Variants in PPP2R5C observed in about 807,000 individuals in gnomAD.
PPP2R5C encodes serine/threonine-protein phosphatase 2A 56 kDa regulatory subunit gamma isoform.
PPP2R5C carries 7 observed loss-of-function variants against 68.9 expected under a neutral mutation model. That is an observed-to-expected ratio of 0.10 (90% CI 0.06 to 0.19). The LOEUF is 0.19. Among genes scored for constraint, PPP2R5C ranks in the 10% least tolerant of loss-of-function variants. The pLI, the probability that PPP2R5C is intolerant of heterozygous loss-of-function variation, is 1.00. For synonymous variants in PPP2R5C, 210 were observed against 222.2 expected (o/e 0.95, Z 0.49); for missense variants, 348 against 641.3 (o/e 0.54, Z 4.94).
intron 1 of PPP2R5C, among the ~76,000 whole-genome samples, chr14:101,847,883 A>G (rs944861026): frequency 6.6e-6 from 1 of 151,928 alleles, no homozygotes; most frequent in African/African-American, 2.4e-5. Flanking sequence ...GGATGGTCTC[A>G]ATCTCTTGAC....
chr14:101,801,094 T>C (rs1231898217), intron 3 of PPP2R5C, among the ~76,000 whole-genome samples: 1 of 152,022 alleles, frequency 6.6e-6, no homozygotes, highest in African/African-American at 2.4e-5. Context: ...GAGAGGGTGG[T>C]TAAGGGCTGC....
rs1190905493 is a variant in PPP2R5C at position 101,906,467 on chromosome 14, A to G, written c.1089A>G (p.Ala363=). ...TCATGAGTTTAATCAGTGACAACGC[A>G]GCGAAGATTCTGCCCATCATGTTTC... The change falls in exon 10 of 14, where the codon GCA becomes GCG. Residue 363 remains alanine, a synonymous_variant. Coordinates refer to ENST00000334743, the Ensembl canonical transcript of PPP2R5C. This position sits in a 1 kb window ranked among gnomAD's most constrained non-coding sequence, Gnocchi z 4.0. 23 of 1,613,620 alleles carry G rather than the reference A, an allele frequency of 1.4e-5. No individual in the cohort carries two copies. Among genetic ancestry groups the G allele is most frequent in the Non-Finnish European group, 1.9e-5 (23 of 1,179,892 alleles).
rs369622065 is a variant in PPP2R5C at position 101,877,551 on chromosome 14, A to G, written c.295-4610A>G. 2.6e-5 allele frequency among the ~76,000 whole-genome samples: 4 copies of G among 152,128 alleles called. 1 individual carries two copies. Among genetic ancestry groups the G allele is most frequent in the East Asian group, 3.9e-4 (2 of 5,180 alleles). Reference sequence around the variant, plus strand: ...CTGTTTCCTCAGACCGGATCCATGCATCCAGGTAGCATGGCAGTGACATTT... The same window carrying G: ...CTGTTTCCTCAGACCGGATCCATGCGTCCAGGTAGCATGGCAGTGACATTT... On this transcript the variant is annotated intron_variant, in intron 2 of 13. Transcript: ENST00000334743. This position sits in a 1 kb window ranked among gnomAD's most constrained non-coding sequence, Gnocchi z 4.2.
chr14:101,824,043 C>T (rs1044578236), intron 1 of PPP2R5C: 4 of 1,289,114 alleles, frequency 3.1e-6, no homozygotes, highest in Non-Finnish European at 4.0e-6. Flanking sequence ...CGTGGCACAG[C>T]CCCAGAGCTC....
At chr14:101,771,304 G>A (rs1230855814) in intron 2 of PPP2R5C, among the ~76,000 whole-genome samples, 1 of 150,952 alleles carries the variant, frequency 6.6e-6, no homozygotes, top group East Asian at 2.0e-4. Context: ...GCCCAGGCTG[G>A]AGTGCAGTGG....
chr14:101,795,275 A>G (rs1283795304), intron 3 of PPP2R5C, among the ~76,000 whole-genome samples: 2 of 152,210 alleles, frequency 1.3e-5, no homozygotes, highest in Non-Finnish European at 2.9e-5. Context: ...CACTTTCCAG[A>G]GAGTAGCACC....
chr14:101,783,346 C>T (rs1025342220), intron 2 of PPP2R5C, among the ~76,000 whole-genome samples: 1 of 147,760 alleles, frequency 6.8e-6, no homozygotes, highest in African/African-American at 2.5e-5. Flanking sequence ...CTCACCTTCC[C>T]AGGGACAGAC....
chr14:101,797,162 A>G lies in PPP2R5C; in HGVS notation c.259+10979A>G, dbSNP rs2038650250. The G allele has an allele frequency of 2.2e-6, 1 of 455,986 alleles. No homozygotes were observed. The highest frequency in any genetic ancestry group is 1.5e-5 in the South Asian group (1 of 64,554). 28.2% of individuals were successfully genotyped at this position (455,986 alleles called of 1,614,324 possible). On this transcript the variant is annotated intron_variant, in intron 3 of 14. Transcript: ENST00000328724. The surrounding 1 kb of genome is among the most constrained non-coding windows in gnomAD (Gnocchi z 4.2). Reference sequence around the variant, plus strand: ...CCTCTTAGAAGCGGAATCGTACAGTATCTGTCTTTCTGTGCCTGGCTTATT... The same window carrying G: ...CCTCTTAGAAGCGGAATCGTACAGTGTCTGTCTTTCTGTGCCTGGCTTATT...
intron 13 of PPP2R5C, 102 bp from the exon 16 acceptor site, chr14:101,925,039 G>A (rs2047221356): frequency 2.2e-6 from 3 of 1,351,906 alleles, no homozygotes; most frequent in Non-Finnish European, 3.1e-6. Flanking sequence ...AGTGGGTGAG[G>A]CACACGTGCC....
upstream of PPP2R5C, among the ~76,000 whole-genome samples, chr14:101,760,972 G>A (rs1224706888): frequency 2.6e-5 from 3 of 114,710 alleles, no homozygotes; most frequent in Non-Finnish European, 3.8e-5. Context: ...GTCGAGGGGA[G>A]GGGAGGGGAG....
intron 5 of PPP2R5C, chr14:101,889,887 A>T: frequency 2.2e-6 from 1 of 449,428 alleles, no homozygotes; most frequent in Non-Finnish European, 4.4e-6. Context: ...GGATGAACAG[A>T]TGTGCGTGTG....
rs933080583 is a variant in PPP2R5C, at chr14:101,891,391, C to T, written c.689+1095C>T. On this transcript the variant is annotated intron_variant, in intron 6 of 13. Transcript: ENST00000334743. This position sits in a 1 kb window ranked among gnomAD's most constrained non-coding sequence, Gnocchi z 4.9. ...TAATTTGAAAAAATGTCCTCGCTGA[C>T]AATTCTTTTAGTTTAGACAAACTTG... Among the ~76,000 whole-genome samples, 3 of 152,188 alleles carry T rather than the reference C, an allele frequency of 2.0e-5. No homozygotes were observed. The highest frequency in any genetic ancestry group is 2.9e-5 in the Non-Finnish European group (2 of 68,044).
intron 2 of PPP2R5C, among the ~76,000 whole-genome samples, chr14:101,768,360 T>A (rs1232742470): frequency 6.6e-6 from 1 of 152,198 alleles, no homozygotes; most frequent in Non-Finnish European, 1.5e-5. Context: ...CTCTTCACAA[T>A]TATCAAGCAC....
At chr14:101,867,271 C>G (rs751814302) in intron 2 of PPP2R5C, among the ~76,000 whole-genome samples, 3 of 151,344 alleles carry the variant, frequency 2.0e-5, no homozygotes, top group African/African-American at 2.4e-5. Context: ...TGTGGTGGCG[C>G]ACGCCTGCAC....
Position 101,917,485 on chromosome 14 carries a change from C to G in PPP2R5C, c.1327-346C>G, listed in dbSNP as rs1196007473. 1.3e-5 allele frequency among the ~76,000 whole-genome samples: 2 copies of G among 152,174 alleles called. No homozygotes were observed. The highest frequency in any genetic ancestry group is 4.8e-5 in the African/African-American group (2 of 41,444). ...GGTGAGGGTTCCAGTGGTGAGACAG[C>G]TCCCACCACCGAGCCCAGGGTGCGA... On this transcript the variant is annotated intron_variant, in intron 12 of 13. Transcript: ENST00000334743. The surrounding 1 kb of genome is among the most constrained non-coding windows in gnomAD (Gnocchi z 4.4).
chr14:101,913,662 G>A lies in PPP2R5C; in HGVS notation c.1326+1189G>A, dbSNP rs1377335228. ...AACGAATTGAATTTATGTTGAAAGT[G>A]TGGTTAAAATACTGATATTTGTTTT... On this transcript the variant is annotated intron_variant, in intron 12 of 13. Coordinates refer to ENST00000334743, the Ensembl canonical transcript of PPP2R5C. This position sits in a 1 kb window ranked among gnomAD's most constrained non-coding sequence, Gnocchi z 4.1. Among the ~76,000 whole-genome samples, 1 of 152,240 alleles carries A rather than the reference G, an allele frequency of 6.6e-6. No individual in the cohort carries two copies. Among genetic ancestry groups the A allele is most frequent in the Non-Finnish European group, 1.5e-5 (1 of 68,046 alleles).
At chr14:101,807,552 G>A (rs1027608195), upstream of PPP2R5C, among the ~76,000 whole-genome samples, 2 of 152,184 alleles carry the variant, frequency 1.3e-5, no homozygotes, top group African/African-American at 4.8e-5. Flanking sequence ...AGTTTGGGGG[G>A]AAATTATCAG....
rs772606346 is a variant in PPP2R5C at position 101,917,835 on chromosome 14, C to T, written c.1331C>T (p.Thr444Ile). Residue 444 changes from threonine to isoleucine, a missense_variant, in exon 13 of 14, where the codon ACA becomes ATA. Thr to Ile is a moderately conservative substitution (Grantham distance 89). Around this residue, in one of 4 missense-constraint regions of PPP2R5C, gnomAD observed 118 missense variants for 108.9 expected, o/e 1.08. Coordinates refer to ENST00000334743, the Ensembl canonical transcript of PPP2R5C. The surrounding 1 kb of genome is among the most constrained non-coding windows in gnomAD (Gnocchi z 4.4). ...ACTCCACGCTTTGCATTGCAGTACA[C>T]AGTGTATAGTCAAGCCAGCACCATG... is the stretch of plus-strand genomic sequence containing the variant. 1.9e-6 allele frequency: 3 copies of T among 1,613,528 alleles called. No homozygotes were observed. The highest frequency in any genetic ancestry group is 4.5e-5 in the East Asian group (2 of 44,884).
chr14:101,831,896 A>G, intron 1 of PPP2R5C: 1 of 596,750 alleles, frequency 1.7e-6, no homozygotes, highest in Non-Finnish European at 3.1e-6. Context: ...ACTTGTCCAA[A>G]GACATTGTTA....
Sources: gnomAD v4.1 joint callset for allele counts (sites outside exome capture counted in the v4.1 genomes callset) on GRCh38, gnomAD v4.1.1 for gene constraint, gnomAD v4.1.1 regional missense constraint, Gnocchi (gnomAD v3.1) non-coding constraint, MANE v1.5 for transcripts, NCBI Gene and HGNC (gene_info 2026-07-23, HGNC 2026-07-21) for gene names.